The following MAX variants were observed in gnomAD, a reference collection of about 807,000 sequenced individuals.
MAX encodes MYC associated transcriptional regulator X.
MAX carries 3 observed loss-of-function variants against 22.3 expected under a neutral mutation model. The observed-to-expected ratio is 0.13, with a 90% confidence interval of 0.06 to 0.35. The LOEUF (loss-of-function observed/expected upper bound fraction) is 0.35. Ranked by LOEUF, MAX falls within the 10% of genes least tolerant of loss-of-function variation. MAX has a pLI of 1.00. For missense variants in MAX, 119 were observed against 209.4 expected (o/e 0.57, Z 2.66); for synonymous variants, 72 against 77.7 (o/e 0.93, Z 0.39).
At position 65,023,641 on chromosome 14, in the gene MAX, G is replaced by C. The variant is rs936415686; in HGVS notation, c.172-17357C>G. 6.6e-6 allele frequency among the ~76,000 whole-genome samples: 1 copy of C among 152,222 alleles called. No individual in the cohort carries two copies. Among genetic ancestry groups the C allele is most frequent in the African/African-American group, 2.4e-5 (1 of 41,464 alleles). On this transcript the variant is annotated intron_variant, in intron 3 of 3. Transcript: ENST00000341653. The surrounding 1 kb of genome is among the most constrained non-coding windows in gnomAD (Gnocchi z 4.1). ...GTTAGTTGTGGAGTACTTGAAATGT[G>C]TCTTGTGTGACTGAAGAGCTGAATT...
rs2061612893 is a variant in MAX at position 65,007,528 on chromosome 14, C to G, written c.172-1244G>C. 6.6e-6 allele frequency among the ~76,000 whole-genome samples: 1 copy of G among 152,230 alleles called. No individual in the cohort carries two copies. Among genetic ancestry groups the G allele is most frequent in the African/African-American group, 2.4e-5 (1 of 41,462 alleles). ...CTGAATAGCAGACTGGGCTGAAAGT[C>G]AAGCCTGGAGCTGAATGTCAGTACA... On this transcript the variant is annotated intron_variant, in intron 3 of 3. Transcript: ENST00000341653. The surrounding 1 kb of genome is among the most constrained non-coding windows in gnomAD (Gnocchi z 4.9).
At chr14:65,080,180 C>T (rs1048968530) in intron 3 of MAX, among the ~76,000 whole-genome samples, 6 of 152,160 alleles carry the variant, frequency 3.9e-5, no homozygotes, top group South Asian at 2.1e-4. Context: ...GCATGCAACA[C>T]GCTCCTATCT....
At chr14:65,080,792 T>C (rs1419988371) in intron 3 of MAX, among the ~76,000 whole-genome samples, 1 of 152,214 alleles carries the variant, frequency 6.6e-6, no homozygotes, top group Non-Finnish European at 1.5e-5. Context: ...AGGGAAAAAA[T>C]GCACAATCTC....
downstream of MAX, among the ~76,000 whole-genome samples, chr14:65,070,778 T>A (rs2062979975): frequency 6.6e-6 from 1 of 152,216 alleles, no homozygotes; most frequent in South Asian, 2.1e-4. The surrounding 1 kb of genome is among the most constrained non-coding windows in gnomAD (Gnocchi z 4.4). Flanking sequence ...CTGACCACTG[T>A]CATAACCAGC....
chr14:65,078,173 A>C lies in MAX; in HGVS notation c.172-137T>G. On this transcript the variant is annotated intron_variant, in intron 3 of 4. Transcript: ENST00000358664. This position sits in a 1 kb window ranked among gnomAD's most constrained non-coding sequence, Gnocchi z 6.4. The stretch of plus-strand genomic sequence containing the variant: ...GGGAAAAGGCTGAAGAAATACAATA[A>C]TGGCTACTGTAGGCTTTATTTATTT... 1.2e-6 allele frequency: 1 copy of C among 848,686 alleles called. No individual in the cohort carries two copies. Among genetic ancestry groups the C allele is most frequent in the Non-Finnish European group, 2.0e-6 (1 of 506,130 alleles). 52.6% of individuals were successfully genotyped at this position (848,686 alleles called of 1,614,324 possible). A position where few individuals can be genotyped will look rare whatever the true frequency, so the allele number is the denominator to read the frequency against.
chr14:65,037,741 A>ATTTATTTTTTAT (rs372196330), intron 3 of MAX, among the ~76,000 whole-genome samples: 17 of 132,718 alleles, frequency 1.3e-4, no homozygotes, highest in South Asian at 2.4e-4. Flanking sequence ...TTATTTATTT[A>ATTTATTTTTTAT]TTATTTATTT....
chr14:65,031,916 G>A lies in MAX; in HGVS notation c.172-25632C>T, dbSNP rs1172635579. Among the ~76,000 whole-genome samples, 1 of 151,764 alleles carries A rather than the reference G, an allele frequency of 6.6e-6. No homozygotes were observed. Among genetic ancestry groups the A allele is most frequent in the Non-Finnish European group, 1.5e-5 (1 of 67,976 alleles). On this transcript the variant is annotated intron_variant, in intron 3 of 3. Transcript: ENST00000341653. This position sits in a 1 kb window ranked among gnomAD's most constrained non-coding sequence, Gnocchi z 4.6. Reference sequence around the variant, plus strand: ...AGCCTGGGCGACAGAGTGAGACCCTGTCTCAATAAAAACCAAAACAAAAGC... The same window carrying A: ...AGCCTGGGCGACAGAGTGAGACCCTATCTCAATAAAAACCAAAACAAAAGC...
At chr14:65,080,286 C>G (rs558232365) in intron 3 of MAX, among the ~76,000 whole-genome samples, 1 of 152,322 alleles carries the variant, frequency 6.6e-6, no homozygotes, top group African/African-American at 2.4e-5. Flanking sequence ...TTAGTTGAGT[C>G]AGTCAGCTTA....
intron 3 of MAX, among the ~76,000 whole-genome samples, chr14:65,058,216 TTCAG>T (rs2139690234): frequency 6.6e-6 from 1 of 152,098 alleles, no homozygotes; most frequent in African/African-American, 2.4e-5. Flanking sequence ...TTTAATGTCT[TTCAG>T]TGTTTTTTTT....
Position 65,075,328 on chromosome 14 carries a change from A to C in MAX, c.*1148T>G, listed in dbSNP as rs2063030110. The C allele has an allele frequency of 9.4e-7, 1 of 1,062,646 alleles. No homozygotes were observed. Among genetic ancestry groups the C allele is most frequent in the Non-Finnish European group, 1.1e-6 (1 of 877,432 alleles). 65.8% of individuals were successfully genotyped at this position (1,062,646 alleles called of 1,614,324 possible). A position where few individuals can be genotyped will look rare whatever the true frequency, so the allele number is the denominator to read the frequency against. On this transcript the variant is annotated 3_prime_UTR_variant, in exon 5 of 5. Coordinates refer to ENST00000358664, the MANE Select transcript of MAX (RefSeq NM_002382.5). This position sits in a 1 kb window ranked among gnomAD's most constrained non-coding sequence, Gnocchi z 4.1. ...AAAAAGACAAAGAAATGAGGCCTAA[A>C]CACACAAAACCCTTCACTGGCATCT...
At chr14:65,013,424 C>T (rs2061715782) in intron 3 of MAX, among the ~76,000 whole-genome samples, 1 of 152,090 alleles carries the variant, frequency 6.6e-6, no homozygotes, top group Non-Finnish European at 1.5e-5. Context: ...AATACACATC[C>T]ATGGGCTAGA....
chr14:65,015,410 C>CTTT (rs888923691), intron 3 of MAX: 2,522 of 155,614 alleles, frequency 0.016, 54 homozygotes, highest in Non-Finnish European at 0.025. Flanking sequence ...GCCTTGTTAT[C>CTTT]TTTTTTTTTT....
intron 3 of MAX, among the ~76,000 whole-genome samples, chr14:65,036,327 C>T (rs1368404448): frequency 1.4e-4 from 21 of 152,028 alleles, no homozygotes; most frequent in Non-Finnish European, 4.4e-5. Flanking sequence ...GCCTTGACCT[C>T]CTGGGTTCAA....
chr14:65,059,761 T>A (rs1302160951), intron 3 of MAX, among the ~76,000 whole-genome samples: 1 of 151,996 alleles, frequency 6.6e-6, no homozygotes, highest in Non-Finnish European at 1.5e-5. Context: ...AATTTAAATT[T>A]CATATTTAAA....
chr14:65,086,577 T>C (rs774897906), intron 3 of MAX, among the ~76,000 whole-genome samples: 3 of 152,202 alleles, frequency 2.0e-5, no homozygotes, highest in Non-Finnish European at 4.4e-5. Flanking sequence ...ACGCTAGAGA[T>C]AAGTGGAACT....
Position 65,075,417 on chromosome 14 carries a change from A to G in MAX, c.*1059T>C. 9.4e-7 allele frequency: 1 copy of G among 1,063,566 alleles called. No individual in the cohort carries two copies. Among genetic ancestry groups the G allele is most frequent in the Non-Finnish European group, 1.1e-6 (1 of 877,874 alleles). The allele number at this position is 1,063,566 out of a possible 1,614,324, so 65.9% of individuals were successfully genotyped here. A position where few individuals can be genotyped will look rare whatever the true frequency, so the allele number is the denominator to read the frequency against. On this transcript the variant is annotated 3_prime_UTR_variant, in exon 5 of 5. Transcript: ENST00000358664. This position sits in a 1 kb window ranked among gnomAD's most constrained non-coding sequence, Gnocchi z 4.1. ...GAGACAGGTTCCAGGACAGTAGGAAAGGAAGTGGGATGAGGGCTGGGAAGG... is the reference window on the plus strand; with the variant it reads ...GAGACAGGTTCCAGGACAGTAGGAAGGGAAGTGGGATGAGGGCTGGGAAGG...
intron 3 of MAX, among the ~76,000 whole-genome samples, chr14:65,035,218 T>C (rs1032320655): frequency 6.6e-6 from 1 of 152,184 alleles, no homozygotes; most frequent in Non-Finnish European, 1.5e-5. Flanking sequence ...GGCCTGCTGC[T>C]GCCGCCCTGG....
Position 65,078,207 on chromosome 14 carries a change from T to TTTA in MAX, c.172-172_172-171insTAA, listed in dbSNP as rs2063112098. ...GTAGGCTTTATTTATTTATTTATTTTTTTATTTTTTTGAGACAGAGTTTCG... is the reference window on the plus strand; with the variant it reads ...GTAGGCTTTATTTATTTATTTATTTTTTATTTATTTTTTTGAGACAGAGTTTCG... On this transcript the variant is annotated intron_variant, in intron 3 of 4. Transcript: ENST00000358664. The surrounding 1 kb of genome is among the most constrained non-coding windows in gnomAD (Gnocchi z 6.4). 2.7e-5 allele frequency among the ~76,000 whole-genome samples: 4 copies of TTTA among 148,412 alleles called. No individual in the cohort carries two copies. Among genetic ancestry groups the TTTA allele is most frequent in the African/African-American group, 9.8e-5 (4 of 40,786 alleles).
rs538157970 is a variant in MAX at position 65,093,388 on chromosome 14, C to T, written c.171+320G>A. ...TGACCTCTGGAATCTTTACTGTTAT[C>T]CCAAACGAACTCTTGGCCACTCTTT... On this transcript the variant is annotated intron_variant, in intron 3 of 4. Transcript: ENST00000358664. This position sits in a 1 kb window ranked among gnomAD's most constrained non-coding sequence, Gnocchi z 4.4. 3.9e-4 allele frequency: 139 copies of T among 354,528 alleles called. No individual in the cohort carries two copies. The highest frequency in any genetic ancestry group is 2.7e-3 in the African/African-American group (129 of 47,752). 22.0% of individuals were successfully genotyped at this position (354,528 alleles called of 1,614,324 possible).
Sources: allele counts gnomAD v4.1 joint callset (sites outside exome capture counted in the v4.1 genomes callset), GRCh38; gene constraint gnomAD v4.1.1; non-coding constraint Gnocchi (gnomAD v3.1); transcripts MANE v1.5; gene names NCBI Gene and HGNC (gene_info 2026-07-23, HGNC 2026-07-21).